RFC4: variants seen among roughly 807,000 people sequenced by gnomAD.
RFC4 encodes A1 37 kDa subunit.
RFC4 carries 38 observed loss-of-function variants against 47.6 expected under a neutral mutation model. The ratio of observed to expected loss-of-function variants is 0.80; its 90% CI spans 0.62 to 1.05. The LOEUF is 1.05. Among genes scored for constraint, RFC4 ranks in the 50% least tolerant of loss-of-function variants. RFC4 has a pLI of 0.00. For synonymous variants in RFC4, 164 were observed against 150.0 expected (o/e 1.09, Z -0.68); for missense variants, 489 against 434.0 (o/e 1.13, Z -1.13).
chr3:186,790,702 G>A (rs528245827), intron 8 of RFC4, among the ~76,000 whole-genome samples: 3 of 151,818 alleles, frequency 2.0e-5, no homozygotes, highest in Admixed American at 6.6e-5. Context: ...TTCCCCTAGC[G>A]GCTATAACGA....
intron 2 of RFC4, among the ~76,000 whole-genome samples, chr3:186,802,021 C>T (rs1248860693): frequency 5.0e-5 from 4 of 80,540 alleles, no homozygotes; most frequent in Non-Finnish European, 9.8e-5. Flanking sequence ...GAAACTTTAT[C>T]TCAAAAAAAA....
In RFC4 at chr3:186,790,508, T is replaced by G. The variant is rs1439156962; in HGVS notation, c.802-102A>C. On this transcript the variant is annotated intron_variant, in intron 8 of 10. Coordinates refer to ENST00000296273, the MANE Select transcript of RFC4 (RefSeq NM_002916.5). Reference sequence around the variant, plus strand: ...CCCCCAGTCATTTCTGTTCCACACCTAAGTTCCATACTTTCCTGGGAAGGC... The same window carrying G: ...CCCCCAGTCATTTCTGTTCCACACCGAAGTTCCATACTTTCCTGGGAAGGC... 64 of 813,862 alleles carry G rather than the reference T, an allele frequency of 7.9e-5. No individual in the cohort carries two copies. In the South Asian group the frequency reaches 8.8e-4, roughly 11 times the overall value. The allele number at this position is 813,862 out of a possible 1,614,324, so 50.4% of individuals were successfully genotyped here. A position where few individuals can be genotyped will look rare whatever the true frequency, so the allele number is the denominator to read the frequency against.
In RFC4 at chr3:186,796,038, C is replaced by A. The variant is rs928780621; in HGVS notation, c.291-1261G>T. 1.3e-5 allele frequency among the ~76,000 whole-genome samples: 2 copies of A among 151,778 alleles called. No homozygotes were observed. Among genetic ancestry groups the A allele is most frequent in the African/African-American group, 4.8e-5 (2 of 41,254 alleles). On this transcript the variant is annotated intron_variant, in intron 4 of 10. Coordinates refer to ENST00000296273, the MANE Select transcript of RFC4 (RefSeq NM_002916.5). This position sits in a 1 kb window ranked among gnomAD's most constrained non-coding sequence, Gnocchi z 4.2. ...CCCTCTAGTCTTTTACACACACACACACACACACACACACACATTTAAATA... is the reference window on the plus strand; with the variant it reads ...CCCTCTAGTCTTTTACACACACACAAACACACACACACACACATTTAAATA...
chr3:186,805,209 C>CA (rs1364442470), intron 1 of RFC4, among the ~76,000 whole-genome samples: 2 of 152,026 alleles, frequency 1.3e-5, no homozygotes, highest in African/African-American at 4.8e-5. Flanking sequence ...GGTCAGAACT[C>CA]AAAGACCTTT....
rs755069325 is a variant in RFC4 at position 186,801,178 on chromosome 3, T to C, written c.149A>G (p.Asp50Gly). 3.6e-5 allele frequency: 58 copies of C among 1,614,030 alleles called. No homozygotes were observed. The highest frequency in any genetic ancestry group is 4.8e-5 in the Non-Finnish European group (57 of 1,180,002). Residue 50 changes from aspartate to glycine, a missense_variant, in exon 3 of 11, where the codon GAT becomes GGT. Physicochemically the swap from Asp to Gly is moderately conservative, Grantham distance 94. Around this residue, in one of 2 missense-constraint regions of RFC4, gnomAD observed 206 missense variants for 257.8 expected, o/e 0.80. Transcript: ENST00000296273. ...CACTTCTTCCTGGAAAGCAACTTCA[T>C]CCACACATTTTGGGCGACTTGCGGG... The part of the protein sequence containing the change: ...WVEKYRPKCV[D>G]EVAFQEEVVA...
Position 186,796,484 on chromosome 3 carries a change from G to A in RFC4, c.290+1051C>T, listed in dbSNP as rs780154091. Reference sequence around the variant, plus strand: ...TTACACATTTGGTGATTTCAGTGGCGTCTTTTTTTTTTTGAGACGGAGTCT... The same window carrying A: ...TTACACATTTGGTGATTTCAGTGGCATCTTTTTTTTTTTGAGACGGAGTCT... On this transcript the variant is annotated intron_variant, in intron 4 of 10. Transcript: ENST00000296273. This position sits in a 1 kb window ranked among gnomAD's most constrained non-coding sequence, Gnocchi z 4.2. Among the ~76,000 whole-genome samples, 6 of 151,446 alleles carry A rather than the reference G, an allele frequency of 4.0e-5. No individual in the cohort carries two copies. Among genetic ancestry groups the A allele is most frequent in the African/African-American group, 7.3e-5 (3 of 41,296 alleles).
At chr3:186,792,705 G>A (rs1722167882) in intron 6 of RFC4, 95 bp from the exon 7 acceptor site, 7 of 1,555,100 alleles carry the variant, frequency 4.5e-6, no homozygotes, top group Admixed American at 4.0e-5. Context: ...TTTGATGGAG[G>A]AAAAATTAAT....
rs1722254025 is a variant in RFC4, at chr3:186,796,891, A to T, written c.290+644T>A. On this transcript the variant is annotated intron_variant, in intron 4 of 10. Transcript: ENST00000296273. This position sits in a 1 kb window ranked among gnomAD's most constrained non-coding sequence, Gnocchi z 4.2. ...TTGGTGCATGTTTCATGTATATCAG[A>T]CCCAGCCCACTACACATCTTTTAAC... 6.6e-6 allele frequency among the ~76,000 whole-genome samples: 1 copy of T among 152,178 alleles called. No homozygotes were observed. Among genetic ancestry groups the T allele is most frequent in the Non-Finnish European group, 1.5e-5 (1 of 68,030 alleles).
intron 8 of RFC4, chr3:186,791,260 G>A (rs183310473): frequency 2.0e-4 from 33 of 167,256 alleles, no homozygotes; most frequent in Non-Finnish European, 3.5e-4. Flanking sequence ...AGCGGGGGGC[G>A]GATCACCTGA....
chr3:186,790,506 C>G (rs1722082091), intron 8 of RFC4, 100 bp from the exon 9 acceptor site: 3 of 828,166 alleles, frequency 3.6e-6, no homozygotes, highest in South Asian at 2.8e-5. Context: ...CTGTTCCACA[C>G]CTAAGTTCCA....
At position 186,793,014 on chromosome 3, in the gene RFC4, A is replaced by G; in HGVS notation, c.411-67T>C. 7.6e-7 allele frequency: 1 copy of G among 1,307,288 alleles called. No individual in the cohort carries two copies. Among genetic ancestry groups the G allele is most frequent in the Non-Finnish European group, 1.1e-6 (1 of 932,296 alleles). The allele number at this position is 1,307,288 out of a possible 1,614,324, so 81.0% of individuals were successfully genotyped here. A position where few individuals can be genotyped will look rare whatever the true frequency, so the allele number is the denominator to read the frequency against. ...TATTGGTTTTAACAGCTTTGTTGAA[A>G]GATACACGTACCATACAATTCACCC... On this transcript the variant is annotated intron_variant, in intron 5 of 10. Transcript: ENST00000296273. This position sits in a 1 kb window ranked among gnomAD's most constrained non-coding sequence, Gnocchi z 4.2.
At chr3:186,804,975 T>C (rs890425090) in intron 1 of RFC4, 1 of 343,598 alleles carries the variant, frequency 2.9e-6, no homozygotes. Flanking sequence ...TAGAATCTAT[T>C]TCTAGTGCAG....
At chr3:186,797,466 A>G (rs966533011) in intron 4 of RFC4, 69 bp downstream of exon 4, 1 of 1,044,926 alleles carries the variant, frequency 9.6e-7, no homozygotes, top group Non-Finnish European at 1.5e-6. Context: ...TTTAGAGGAA[A>G]AAAAGCAATA....
At position 186,790,068 on chromosome 3, in the gene RFC4, C is replaced by T. The variant is rs769265594; in HGVS notation, c.997-4G>A. 86 of 1,612,788 alleles carry T rather than the reference C, an allele frequency of 5.3e-5. No individual in the cohort carries two copies. The highest frequency in any genetic ancestry group is 1.5e-4 in the Admixed American group (9 of 59,964). On this transcript the variant is annotated splice_region_variant and splice_polypyrimidine_tract_variant and intron_variant, in intron 10 of 10. Coordinates refer to ENST00000296273, the MANE Select transcript of RFC4 (RefSeq NM_002916.5). ...CTGCTAGGCATTTGTCAACTTCCTACGAGAAAAATTTAAGAAATTAGCATC... is the reference window on the plus strand; with the variant it reads ...CTGCTAGGCATTTGTCAACTTCCTATGAGAAAAATTTAAGAAATTAGCATC...
chr3:186,793,204 C>T lies in RFC4; in HGVS notation c.411-257G>A, dbSNP rs1233833357. The stretch of plus-strand genomic sequence containing the variant: ...TTCCCAGCTCTAGGCAATCATTAGT[C>T]TACTTTCATCTCTATAGATTTGCCT... On this transcript the variant is annotated intron_variant, in intron 5 of 10. Coordinates refer to ENST00000296273, the MANE Select transcript of RFC4 (RefSeq NM_002916.5). This position sits in a 1 kb window ranked among gnomAD's most constrained non-coding sequence, Gnocchi z 4.2. Among the ~76,000 whole-genome samples the T allele has an allele frequency of 6.6e-6, 1 of 152,168 alleles. No homozygotes were observed. Among genetic ancestry groups the T allele is most frequent in the African/African-American group, 2.4e-5 (1 of 41,438 alleles).
intron 2 of RFC4, among the ~76,000 whole-genome samples, chr3:186,802,487 C>G (rs947014962): frequency 3.3e-5 from 5 of 152,106 alleles, no homozygotes; most frequent in African/African-American, 4.8e-5. Flanking sequence ...CCAATTTTTT[C>G]CATCATCTAA....
chr3:186,799,299 CAAAAT>C (rs1196945477), intron 3 of RFC4, among the ~76,000 whole-genome samples: 1 of 152,126 alleles, frequency 6.6e-6, no homozygotes, highest in Non-Finnish European at 1.5e-5. Flanking sequence ...TAAAACCTTT[CAAAAT>C]AAATTGAATG....
At position 186,790,402 on chromosome 3, in the gene RFC4, A is replaced by G; in HGVS notation, c.806T>C (p.Ile269Thr). The G allele has an allele frequency of 6.2e-7, 1 of 1,608,664 alleles. No homozygotes were observed. Among genetic ancestry groups the G allele is most frequent in the Non-Finnish European group, 8.5e-7 (1 of 1,175,030 alleles). Residue 269 changes from isoleucine (I) to threonine (T), a missense_variant, in exon 9 of 11, where the codon ATA becomes ACA. By Grantham distance (89) the Ile-to-Thr change is moderately conservative. Coordinates refer to ENST00000296273, the MANE Select transcript of RFC4 (RefSeq NM_002916.5). Reference protein sequence around the residue: ...EKVITDIAGVIPAEKIDGVFA... With the variant: ...EKVITDIAGVTPAEKIDGVFA... ...TACTCCATCAATTTTCTCAGCTGGT[A>G]TTACCTAGGTAATTGAATGTTCGGT...
intron 8 of RFC4, 52 bp from the exon 9 acceptor site, chr3:186,790,458 T>TACAC (rs1560089657): frequency 7.8e-7 from 1 of 1,280,796 alleles, no homozygotes; most frequent in Admixed American, 1.7e-5. Context: ...AGACTAGACA[T>TACAC]ACACTCTGCC....
Sources: gnomAD v4.1 joint callset for allele counts (sites outside exome capture counted in the v4.1 genomes callset) on GRCh38, gnomAD v4.1.1 for gene constraint, gnomAD v4.1.1 regional missense constraint, Gnocchi (gnomAD v3.1) non-coding constraint, MANE v1.5 for transcripts, NCBI Gene and HGNC (gene_info 2026-07-23, HGNC 2026-07-21) for gene names.